Variants in DOCK5 observed in about 807,000 individuals in gnomAD.
The protein encoded by DOCK5 is dedicator of cytokinesis 5.
In DOCK5, 142 loss-of-function variants were observed where a neutral mutation model predicts 251.8. That is an observed-to-expected ratio of 0.56 (90% CI 0.49 to 0.65). DOCK5 has a LOEUF of 0.65. Among genes scored for constraint, DOCK5 ranks in the 30% least tolerant of loss-of-function variants. The pLI, the probability that DOCK5 is intolerant of heterozygous loss-of-function variation, is 0.00. For missense variants in DOCK5, 2,111 were observed against 2,312.3 expected (o/e 0.91, Z 1.79); for synonymous variants, 842 against 835.5 (o/e 1.01, Z -0.13).
At chr8:25,246,199 C>T (rs1422797206) in intron 2 of DOCK5, among the ~76,000 whole-genome samples, 1 of 152,188 alleles carries the variant, frequency 6.6e-6, no homozygotes. Flanking sequence ...TTTTGTCCTC[C>T]TGGCTCCACA....
intron 13 of DOCK5, among the ~76,000 whole-genome samples, chr8:25,310,798 T>A (rs1805071884): frequency 6.6e-6 from 1 of 152,190 alleles, no homozygotes; most frequent in South Asian, 2.1e-4. Context: ...CCGAGAAAAT[T>A]CCTGGAAGTT....
chr8:25,319,745 C>A, intron 15 of DOCK5, 69 bp downstream of exon 15: 3 of 1,170,918 alleles, frequency 2.6e-6, no homozygotes, highest in Non-Finnish European at 3.6e-6. Context: ...TTCTGTTTAC[C>A]CCCAAATTAT....
intron 2 of DOCK5, among the ~76,000 whole-genome samples, chr8:25,266,776 A>G (rs1803764203): frequency 1.3e-5 from 2 of 151,908 alleles, no homozygotes; most frequent in Admixed American, 1.3e-4. Flanking sequence ...ATTCAGCATG[A>G]TAATTTTGTG....
intron 5 of DOCK5, among the ~76,000 whole-genome samples, chr8:25,285,591 G>C (rs180686438): frequency 4.6e-5 from 7 of 152,310 alleles, no homozygotes; most frequent in Admixed American, 2.6e-4. Flanking sequence ...CTGGGAAGAG[G>C]GGGTAGGGGA....
chr8:25,214,305 T>C (rs573624433), intron 1 of DOCK5, among the ~76,000 whole-genome samples: 1 of 152,234 alleles, frequency 6.6e-6, no homozygotes, highest in South Asian at 2.1e-4. Flanking sequence ...ACCTTGGATA[T>C]TTTCCTCTTT....
chr8:25,377,017 C>T (rs967035294), intron 37 of DOCK5, among the ~76,000 whole-genome samples: 1 of 151,988 alleles, frequency 6.6e-6, no homozygotes, highest in African/African-American at 2.4e-5. Flanking sequence ...TAATTTGTTC[C>T]TTTTATCTGA....
chr8:25,323,058 G>A lies in DOCK5; in HGVS notation c.1616-790G>A, dbSNP rs116235853. 9.5e-3 allele frequency among the ~76,000 whole-genome samples: 1,446 copies of A among 152,284 alleles called. 21 individuals carry two copies. Among genetic ancestry groups the A allele is most frequent in the African/African-American group, 0.033 (1,389 of 41,558 alleles). Reference sequence around the variant, plus strand: ...AAGGGGCACAGCAGACCACAGAGCCGTGCCTATGATAAAAACAGGCCACAG... The same window carrying A: ...AAGGGGCACAGCAGACCACAGAGCCATGCCTATGATAAAAACAGGCCACAG... On this transcript the variant is annotated intron_variant, in intron 16 of 51. Coordinates refer to ENST00000276440, the MANE Select transcript of DOCK5 (RefSeq NM_024940.8).
chr8:25,305,707 C>A (rs886708067), intron 11 of DOCK5, among the ~76,000 whole-genome samples: 1 of 152,038 alleles, frequency 6.6e-6, no homozygotes, highest in Admixed American at 6.5e-5. Context: ...AAATGCAAAT[C>A]GAAACATCAA....
chr8:25,298,850 C>A, intron 7 of DOCK5, 94 bp from the exon 8 acceptor site: 1 of 1,358,176 alleles, frequency 7.4e-7, no homozygotes, highest in Non-Finnish European at 9.8e-7. Context: ...GCTTTGTCTG[C>A]CATTTGCAGG....
rs1351256307 is a variant in DOCK5 at position 25,395,576 on chromosome 8, A to T, written c.4561A>T (p.Thr1521Ser). Reference protein sequence around the residue: ...EISPLENAIETMELTNERISN... With the variant: ...EISPLENAIESMELTNERISN... ...CAGTCCTCTGGAGAATGCCATCGAA[A>T]CCATGGAGCTGACCAACGAGAGGAT... The change falls in exon 45 of 52, where the codon ACC becomes TCC. Residue 1521 changes from threonine to serine, a missense_variant. Thr to Ser is a moderately conservative substitution (Grantham distance 58). Coordinates refer to ENST00000276440, the MANE Select transcript of DOCK5 (RefSeq NM_024940.8). The T allele has an allele frequency of 6.2e-7, 1 of 1,613,220 alleles. No individual in the cohort carries two copies. The highest frequency in any genetic ancestry group is 8.5e-7 in the Non-Finnish European group (1 of 1,179,676).
At chr8:25,225,362 T>A (rs956608582) in intron 1 of DOCK5, among the ~76,000 whole-genome samples, 1 of 152,124 alleles carries the variant, frequency 6.6e-6, no homozygotes, top group Admixed American at 6.5e-5. Context: ...TACAGATGAA[T>A]GGAGAAATAA....
chr8:25,385,994 G>A (rs1426396435), intron 40 of DOCK5, among the ~76,000 whole-genome samples: 1 of 152,234 alleles, frequency 6.6e-6, no homozygotes, highest in Non-Finnish European at 1.5e-5. Flanking sequence ...AAGCTATGAG[G>A]CTGGAGTAGT....
intron 2 of DOCK5, among the ~76,000 whole-genome samples, chr8:25,252,594 ATC>A (rs1490379000): frequency 6.6e-6 from 1 of 152,164 alleles, no homozygotes; most frequent in Non-Finnish European, 1.5e-5. Flanking sequence ...CACTTCCCAC[ATC>A]TGTTTGACCT....
intron 13 of DOCK5, among the ~76,000 whole-genome samples, chr8:25,316,226 TC>T (rs1805246882): frequency 6.6e-6 from 1 of 152,218 alleles, no homozygotes; most frequent in Non-Finnish European, 1.5e-5. Context: ...ACACCTGTGA[TC>T]CCAGCACTTT....
intron 2 of DOCK5, among the ~76,000 whole-genome samples, chr8:25,254,298 C>A (rs1000425290): frequency 1.3e-5 from 2 of 151,918 alleles, no homozygotes; most frequent in African/African-American, 2.4e-5. Flanking sequence ...AATATAATAA[C>A]ATGGAGAAAT....
At chr8:25,239,488 T>G (rs1306203654) in intron 1 of DOCK5, among the ~76,000 whole-genome samples, 1 of 151,998 alleles carries the variant, frequency 6.6e-6, no homozygotes, top group Non-Finnish European at 1.5e-5. Flanking sequence ...GCTTGGTCAT[T>G]ACACAATGCA....
chr8:25,243,559 G>T, intron 1 of DOCK5, 115 bp from the exon 2 acceptor site: 1 of 901,524 alleles, frequency 1.1e-6, no homozygotes, highest in Middle Eastern at 2.4e-4. Flanking sequence ...TTGAACTCCT[G>T]ACCTCATGAT....
At chr8:25,282,468 T>C (rs942442005) in intron 5 of DOCK5, among the ~76,000 whole-genome samples, 6 of 127,088 alleles carry the variant, frequency 4.7e-5, no homozygotes, top group Admixed American at 7.5e-5. Flanking sequence ...CATGTAAAGA[T>C]AAATACAGAT....
intron 1 of DOCK5, among the ~76,000 whole-genome samples, chr8:25,191,395 T>C (rs1801578815): frequency 6.6e-6 from 1 of 152,244 alleles, no homozygotes; most frequent in African/African-American, 2.4e-5. Flanking sequence ...CCAAGTGTTT[T>C]TGTTTGAGAA....
Sources: gnomAD v4.1 joint callset for allele counts (sites outside exome capture counted in the v4.1 genomes callset) on GRCh38, gnomAD v4.1.1 for gene constraint, MANE v1.5 for transcripts, NCBI Gene and HGNC (gene_info 2026-07-23, HGNC 2026-07-21) for gene names.